ARHGEF10: variants seen among roughly 807,000 people sequenced by gnomAD.
ARHGEF10 encodes Rho guanine nucleotide exchange factor 10.
Under a neutral mutation model 147.4 loss-of-function variants are expected in ARHGEF10, and 140 were observed. The ratio of observed to expected loss-of-function variants is 0.95; its 90% CI spans 0.83 to 1.09. The LOEUF is 1.09. ARHGEF10 is among the 50% of genes least tolerant of loss of function. ARHGEF10 has a pLI of 0.00. For missense variants in ARHGEF10, 2,222 were observed against 1,752.7 expected (o/e 1.27, Z -4.78); for synonymous variants, 902 against 695.8 (o/e 1.30, Z -4.67).
chr8:1,896,608 C>T (rs923913288), intron 14 of ARHGEF10, among the ~76,000 whole-genome samples, 159 bp downstream of exon 14: 2 of 152,128 alleles, frequency 1.3e-5, no homozygotes, highest in Non-Finnish European at 2.9e-5. Flanking sequence ...ATTTTAGGTC[C>T]TAATGTAGCT....
Position 1,956,673 on chromosome 8 carries a change from G to C in ARHGEF10, c.3521-76G>C, listed in dbSNP as rs1815591516. 1.1e-5 allele frequency: 17 copies of C among 1,554,068 alleles called. No individual in the cohort carries two copies. In the South Asian group the frequency reaches 1.3e-4, roughly 12 times the overall value. ...GCAGGGAGGAATGCGTTGGGGTTAA[G>C]CCCTGCACTTTTTGCTTCCTTGTCT... On this transcript the variant is annotated intron_variant, in intron 28 of 28. Transcript: ENST00000349830.
Position 1,944,249 on chromosome 8 carries a change from C to T in ARHGEF10, c.3223-1232C>T, listed in dbSNP as rs185759727. On this transcript the variant is annotated intron_variant, in intron 26 of 28. Transcript: ENST00000349830. ...TCCCTGGGGGCCCCAGCCTCCCGCA[C>T]CGTGTCGCCTCCCTCGGGACCCCAG... 4.4e-3 allele frequency among the ~76,000 whole-genome samples: 666 copies of T among 152,158 alleles called. 5 individuals are homozygous for T. The highest frequency in any genetic ancestry group is 0.014 in the African/African-American group (596 of 41,502).
intron 19 of ARHGEF10, 74 bp from the exon 20 acceptor site, chr8:1,923,394 T>C: frequency 6.3e-7 from 1 of 1,594,390 alleles, no homozygotes; most frequent in Non-Finnish European, 8.6e-7. Flanking sequence ...ATTAAAATTG[T>C]GTCTTTTTAT....
intron 26 of ARHGEF10, chr8:1,943,568 A>G (rs1814284675): frequency 6.6e-6 from 1 of 152,188 alleles, no homozygotes; most frequent in Non-Finnish European, 1.5e-5. Context: ...CAGATAGTTT[A>G]GACTGTGAAG....
At chr8:1,891,281 G>A (rs1219306988) in intron 11 of ARHGEF10, among the ~76,000 whole-genome samples, 6 of 152,178 alleles carry the variant, frequency 3.9e-5, no homozygotes. Context: ...GTCCATGAGA[G>A]TTTTCTCTTG....
At chr8:1,913,095 C>T (rs150974549) in intron 18 of ARHGEF10, among the ~76,000 whole-genome samples, 51 of 152,092 alleles carry the variant, frequency 3.4e-4, no homozygotes, top group African/African-American at 1.2e-3. Flanking sequence ...GACTGTCAAG[C>T]GCTCCTAGTT....
intron 18 of ARHGEF10, among the ~76,000 whole-genome samples, chr8:1,917,932 C>A (rs1340221000): frequency 6.6e-6 from 1 of 151,782 alleles, no homozygotes; most frequent in African/African-American, 2.4e-5. Flanking sequence ...GTGTGTACCA[C>A]CATGCCTGGC....
intron 9 of ARHGEF10, 54 bp downstream of exon 9, chr8:1,880,218 A>G: frequency 7.7e-7 from 1 of 1,291,220 alleles, no homozygotes; most frequent in Non-Finnish European, 1.1e-6. Flanking sequence ...CAGTAAAGAA[A>G]AACCGCGCGG....
rs138632090 is a variant in ARHGEF10, at chr8:1,899,055, C to T, written c.1650+530C>T. 6.2e-3 allele frequency among the ~76,000 whole-genome samples: 946 copies of T among 152,328 alleles called. 6 individuals are homozygous for T. Among genetic ancestry groups the T allele is most frequent in the Non-Finnish European group, 0.01 (688 of 68,020 alleles). On this transcript the variant is annotated intron_variant, in intron 15 of 28. Coordinates refer to ENST00000349830, the MANE Select transcript of ARHGEF10 (RefSeq NM_014629.4). ...GATGCTGCGATGGTGAAAACACTGT[C>T]CACTGGACCCTCATTTCTCTAAACT...
intron 13 of ARHGEF10, 73 bp from the exon 14 acceptor site, chr8:1,896,260 A>G (rs1231314631): frequency 1.8e-6 from 2 of 1,100,164 alleles, no homozygotes; most frequent in East Asian, 4.7e-5. Context: ...CGAGTTTCAA[A>G]TCTTCTGTTT....
intron 8 of ARHGEF10, among the ~76,000 whole-genome samples, chr8:1,878,327 T>C (rs1057309049): frequency 2.6e-5 from 4 of 152,076 alleles, no homozygotes; most frequent in African/African-American, 9.7e-5. Flanking sequence ...GTAGCTGGGA[T>C]TATAGGCACC....
intron 4 of ARHGEF10, among the ~76,000 whole-genome samples, chr8:1,862,735 T>C (rs1806236321): frequency 6.6e-6 from 1 of 152,066 alleles, no homozygotes; most frequent in Non-Finnish European, 1.5e-5. Flanking sequence ...AGTAAAAGCT[T>C]TGTGGCTCTT....
chr8:1,932,926 T>C (rs1337496244), intron 25 of ARHGEF10, among the ~76,000 whole-genome samples: 1 of 152,244 alleles, frequency 6.6e-6, no homozygotes, highest in East Asian at 1.9e-4. Flanking sequence ...GGTCGATGCC[T>C]TAATTAATGG....
rs1245172960 is a variant in ARHGEF10, at chr8:1,884,830, C to G, written c.1076-771C>G. 2.6e-5 allele frequency among the ~76,000 whole-genome samples: 4 copies of G among 152,156 alleles called. No individual in the cohort carries two copies. The East Asian group carries it at 7.7e-4, about 29-fold the overall frequency. On this transcript the variant is annotated intron_variant, in intron 10 of 28. Transcript: ENST00000349830. ...CCCAGGCTGGAGTGCAGTGGCACGA[C>G]CACAGCTCACTGCAGCCTCCACCTC...
At chr8:1,848,780 T>C (rs1241291970) in intron 2 of ARHGEF10, among the ~76,000 whole-genome samples, 6 of 151,576 alleles carry the variant, frequency 4.0e-5, no homozygotes, top group Non-Finnish European at 1.5e-5. Context: ...AGAAGTAGTC[T>C]TTTTTTTTCC....
chr8:1,842,564 C>T (rs1187627442), intron 1 of ARHGEF10, among the ~76,000 whole-genome samples: 3 of 152,226 alleles, frequency 2.0e-5, no homozygotes, highest in Non-Finnish European at 2.9e-5. Flanking sequence ...TTTCCTGATG[C>T]GGCGAGGGCC....
intron 13 of ARHGEF10, among the ~76,000 whole-genome samples, chr8:1,894,998 G>T (rs1448675850): frequency 1.3e-5 from 2 of 152,168 alleles, no homozygotes; most frequent in African/African-American, 4.8e-5. Context: ...AATTATCTGT[G>T]CCTGGGAAAA....
chr8:1,951,061 G>T (rs1394227149), intron 27 of ARHGEF10, among the ~76,000 whole-genome samples: 4 of 152,220 alleles, frequency 2.6e-5, no homozygotes, highest in Non-Finnish European at 1.5e-5. Context: ...GCCACACGGA[G>T]GGCCGGGGAG....
chr8:1,833,391 C>T (rs1803381157), intron 1 of ARHGEF10, among the ~76,000 whole-genome samples: 1 of 110,540 alleles, frequency 9.0e-6, no homozygotes, highest in Non-Finnish European at 2.0e-5. Context: ...GGTGCAGCGA[C>T]AGGGGCAGAG....
Sources: gnomAD v4.1 joint callset for allele counts (sites outside exome capture counted in the v4.1 genomes callset) on GRCh38, gnomAD v4.1.1 for gene constraint, MANE v1.5 for transcripts, NCBI Gene and HGNC (gene_info 2026-07-23, HGNC 2026-07-21) for gene names.